The following PRKG1 variants were observed in gnomAD, a reference collection of about 807,000 sequenced individuals.
PRKG1 encodes the protein protein kinase cGMP-dependent 1, also known as cGMP-dependent protein kinase 1.
A neutral mutation model predicts 88.1 loss-of-function variants in PRKG1; 35 were observed. The observed-to-expected ratio is 0.40, with a 90% CI of 0.30 to 0.53. The LOEUF (loss-of-function observed/expected upper bound fraction) is 0.53. Ranked by LOEUF, PRKG1 falls within the 20% of genes least tolerant of loss-of-function variation. PRKG1 has a pLI of 0.59. For missense variants in PRKG1, 540 were observed against 839.8 expected (o/e 0.64, Z 4.41); for synonymous variants, 303 against 292.5 (o/e 1.04, Z -0.37).
intron 2 of PRKG1, among the ~76,000 whole-genome samples, chr10:51,448,138 C>T (rs1249124677): frequency 6.6e-6 from 1 of 151,870 alleles, no homozygotes; most frequent in African/African-American, 2.4e-5. Context: ...ATCCTAGCGA[C>T]TCAGGAGGCT....
At chr10:51,536,152 A>G (rs1446859203) in intron 3 of PRKG1, among the ~76,000 whole-genome samples, 2 of 152,210 alleles carry the variant, frequency 1.3e-5, no homozygotes, top group Non-Finnish European at 2.9e-5. Context: ...AAGAATCATA[A>G]AAAGAAGTAC....
intron 9 of PRKG1, among the ~76,000 whole-genome samples, chr10:52,242,542 A>C (rs1355118515): frequency 2.0e-5 from 3 of 152,190 alleles, no homozygotes; most frequent in Admixed American, 2.0e-4. Context: ...ACATATACCA[A>C]AAGGGAGAAA....
intron 3 of PRKG1, among the ~76,000 whole-genome samples, chr10:51,726,808 G>A (rs1301468221): frequency 6.6e-6 from 1 of 152,036 alleles, no homozygotes; most frequent in Non-Finnish European, 1.5e-5. Flanking sequence ...ATGGAGTCTC[G>A]CTCTGTCGCC....
At chr10:52,022,986 A>G (rs927559191) in intron 5 of PRKG1, among the ~76,000 whole-genome samples, 2 of 152,108 alleles carry the variant, frequency 1.3e-5, no homozygotes, top group Non-Finnish European at 2.9e-5. Flanking sequence ...TTACATAGGT[A>G]TACACGTGCC....
intron 2 of PRKG1, among the ~76,000 whole-genome samples, chr10:51,289,004 C>T (rs899569618): frequency 1.3e-5 from 2 of 151,878 alleles, no homozygotes; most frequent in African/African-American, 4.8e-5. Flanking sequence ...TAATTAGACT[C>T]TTATTATCTA....
At chr10:51,351,211 A>G (rs1433202734) in intron 2 of PRKG1, among the ~76,000 whole-genome samples, 4 of 152,232 alleles carry the variant, frequency 2.6e-5, no homozygotes, top group African/African-American at 7.2e-5. Flanking sequence ...CAGTGCCGCA[A>G]TAAACATATG....
chr10:51,150,626 T>C (rs1165077527), intron 1 of PRKG1, among the ~76,000 whole-genome samples: 1 of 152,098 alleles, frequency 6.6e-6, no homozygotes, highest in Non-Finnish European at 1.5e-5. Context: ...TAAGATGTGG[T>C]CCTATATTGA....
chr10:51,886,329 T>G (rs190340734), intron 4 of PRKG1, among the ~76,000 whole-genome samples: 19 of 151,776 alleles, frequency 1.3e-4, no homozygotes, highest in South Asian at 4.2e-4. Flanking sequence ...TAGTTTTGGG[T>G]TTTTTTTTAA....
chr10:51,377,275 T>C (rs754883799), intron 2 of PRKG1, among the ~76,000 whole-genome samples: 4 of 152,208 alleles, frequency 2.6e-5, no homozygotes. Context: ...GGGCAGAGTA[T>C]ACACCTGCTC....
At chr10:52,091,320 T>A (rs1048578897) in intron 7 of PRKG1, among the ~76,000 whole-genome samples, 1 of 152,208 alleles carries the variant, frequency 6.6e-6, no homozygotes, top group African/African-American at 2.4e-5. Context: ...TAGAGAAGAC[T>A]CTTGGTTTTT....
intron 3 of PRKG1, among the ~76,000 whole-genome samples, chr10:51,488,108 G>C (rs1840600000): frequency 6.6e-6 from 1 of 152,090 alleles, no homozygotes; most frequent in Non-Finnish European, 1.5e-5. Context: ...AATTCTATAT[G>C]ACATGTATGA....
At chr10:52,188,056 C>T (rs1839243283) in intron 9 of PRKG1, among the ~76,000 whole-genome samples, 1 of 151,732 alleles carries the variant, frequency 6.6e-6, no homozygotes, top group Non-Finnish European at 1.5e-5. Context: ...TTACAAACCA[C>T]TAGGGAGTCA....
chr10:51,636,048 A>G (rs924532507), intron 3 of PRKG1, among the ~76,000 whole-genome samples: 1 of 152,206 alleles, frequency 6.6e-6, no homozygotes, highest in African/African-American at 2.4e-5. Context: ...GATGAAATTT[A>G]TGAAGTCATA....
intron 2 of PRKG1, among the ~76,000 whole-genome samples, chr10:51,407,527 A>G (rs955948339): frequency 3.3e-5 from 5 of 152,260 alleles, no homozygotes; most frequent in African/African-American, 1.2e-4. Context: ...GGAAATACTC[A>G]TGACAATTAC....
chr10:51,216,458 T>G (rs1265139965), intron 2 of PRKG1, among the ~76,000 whole-genome samples: 1 of 152,196 alleles, frequency 6.6e-6, no homozygotes, highest in Non-Finnish European at 1.5e-5. Context: ...TTGCCATCTT[T>G]ATGACCTTAA....
At chr10:51,642,320 A>G (rs1324309456) in intron 3 of PRKG1, among the ~76,000 whole-genome samples, 2 of 152,110 alleles carry the variant, frequency 1.3e-5, no homozygotes, top group Non-Finnish European at 2.9e-5. Flanking sequence ...AAGCTGGGAG[A>G]TGGAGGTTGC....
intron 1 of PRKG1, among the ~76,000 whole-genome samples, chr10:51,061,845 A>G (rs904836393): frequency 2.0e-5 from 3 of 152,244 alleles, no homozygotes; most frequent in African/African-American, 7.2e-5. Flanking sequence ...TAAAATTACC[A>G]ACATTTGTAT....
At chr10:52,287,494 C>CA (rs943753140) in intron 14 of PRKG1, among the ~76,000 whole-genome samples, 7 of 150,682 alleles carry the variant, frequency 4.6e-5, no homozygotes, top group East Asian at 2.0e-4. Context: ...ACATGAAAGG[C>CA]AAAAAAAATA....
intron 2 of PRKG1, among the ~76,000 whole-genome samples, chr10:51,350,939 T>TG (rs1842230285): frequency 6.6e-6 from 1 of 152,022 alleles, no homozygotes; most frequent in South Asian, 2.1e-4. Context: ...TGACAGGCCC[T>TG]GGTGTGTGAT....
Sources: allele counts gnomAD v4.1 joint callset (sites outside exome capture counted in the v4.1 genomes callset), GRCh38; gene constraint gnomAD v4.1.1; transcripts MANE v1.5; gene names NCBI Gene and HGNC (gene_info 2026-07-23, HGNC 2026-07-21).